The following DCC variants were observed in gnomAD, a reference collection of about 807,000 sequenced individuals.
DCC encodes DCC netrin 1 receptor.
In DCC, 58 loss-of-function variants were observed where a neutral mutation model predicts 172.5. That is an observed-to-expected ratio of 0.34 (90% CI 0.27 to 0.42). The LOEUF (loss-of-function observed/expected upper bound fraction) is 0.42. Ranked by LOEUF, DCC falls within the 10% of genes least tolerant of loss-of-function variation. The pLI is 1.00. For synonymous variants in DCC, 709 were observed against 644.5 expected, an observed-to-expected ratio of 1.10 and a Z score of -1.52; for missense variants, 1,740 against 1,791.0, an observed-to-expected ratio of 0.97 and a Z score of 0.51.
chr18:53,205,811 T>A (rs1386526656), intron 10 of DCC, among the ~76,000 whole-genome samples: 1 of 152,126 alleles, frequency 6.6e-6, no homozygotes, highest in Admixed American at 6.6e-5. Context: ...GTCCTACCAT[T>A]TTTTAATGTT....
intron 2 of DCC, among the ~76,000 whole-genome samples, chr18:52,810,468 T>C (rs375037776): frequency 6.6e-6 from 1 of 152,260 alleles, no homozygotes; most frequent in South Asian, 2.1e-4. Context: ...ACAATAAGGA[T>C]GTGCTGTATA....
intron 1 of DCC, among the ~76,000 whole-genome samples, chr18:52,463,949 G>A (rs1195647347): frequency 3.3e-5 from 5 of 152,142 alleles, no homozygotes; most frequent in African/African-American, 1.2e-4. Flanking sequence ...CTTCAGTATT[G>A]TAGTCTTTAT....
intron 1 of DCC, among the ~76,000 whole-genome samples, chr18:52,596,473 T>C (rs960896769): frequency 3.3e-5 from 5 of 152,144 alleles, no homozygotes; most frequent in African/African-American, 1.2e-4. Context: ...TCAGCATCAC[T>C]AGGAGCTGGC....
chr18:53,263,898 C>A (rs1229793881), intron 12 of DCC, among the ~76,000 whole-genome samples: 2 of 151,794 alleles, frequency 1.3e-5, no homozygotes, highest in Non-Finnish European at 2.9e-5. Context: ...CATCTTGGAA[C>A]CTTTTTATTT....
chr18:52,764,035 C>T (rs373899119), intron 2 of DCC, among the ~76,000 whole-genome samples: 3 of 152,324 alleles, frequency 2.0e-5, no homozygotes, highest in African/African-American at 7.2e-5. Context: ...CTCTTCTGTA[C>T]ATACCTTTGA....
chr18:52,643,705 T>A (rs1345276787), intron 1 of DCC, among the ~76,000 whole-genome samples: 1 of 152,140 alleles, frequency 6.6e-6, no homozygotes, highest in Non-Finnish European at 1.5e-5. Context: ...TGAAACTGGA[T>A]CTAACCATTT....
chr18:52,541,864 T>TGC (rs2032459097), intron 1 of DCC, among the ~76,000 whole-genome samples: 4 of 51,166 alleles, frequency 7.8e-5, no homozygotes, highest in African/African-American at 2.9e-4. Context: ...AAGTATATGA[T>TGC]GTGTGTGTGT....
At chr18:53,181,036 T>TAC (rs1328968109) in intron 9 of DCC, among the ~76,000 whole-genome samples, 3 of 152,172 alleles carry the variant, frequency 2.0e-5, no homozygotes, top group Non-Finnish European at 4.4e-5. Context: ...ATATATATAA[T>TAC]ACACACACAC....
At chr18:52,970,736 C>A (rs9955796) in intron 5 of DCC, among the ~76,000 whole-genome samples, 102,668 of 151,980 alleles carry the variant, frequency 0.68, 34,949 homozygotes, top group Non-Finnish European at 0.72. Context: ...TTTGGTATGC[C>A]ATAGACTAAG....
At chr18:53,023,428 AAG>A in intron 5 of DCC, among the ~76,000 whole-genome samples, 1 of 107,160 alleles carries the variant, frequency 9.3e-6, no homozygotes, top group African/African-American at 3.4e-5. Context: ...AAAAAAAAAA[AAG>A]ATTCTTCTTA....
intron 1 of DCC, among the ~76,000 whole-genome samples, chr18:52,513,722 T>A (rs559370756): frequency 1.9e-4 from 29 of 152,254 alleles, no homozygotes; most frequent in Admixed American, 1.6e-3. Flanking sequence ...CCATACTACA[T>A]GATGGTCAGG....
chr18:52,506,506 A>G (rs2031235973), intron 1 of DCC, among the ~76,000 whole-genome samples: 1 of 152,094 alleles, frequency 6.6e-6, no homozygotes, highest in Non-Finnish European at 1.5e-5. Context: ...TTGTCTTTGT[A>G]GATTCTGGTT....
In DCC at chr18:53,339,959, T is replaced by C. The variant is rs770766140; in HGVS notation, c.2359+52T>C. ...TATTAAGGGGAATTAATGATTTATT[T>C]TGAATTATTGTATTTCTTGGAAAAC... is the stretch of plus-strand genomic sequence containing the variant. On this transcript the variant is annotated intron_variant, in intron 15 of 28. Coordinates refer to ENST00000442544, the MANE Select transcript of DCC (RefSeq NM_005215.4). The C allele has an allele frequency of 2.7e-6, 4 of 1,506,418 alleles. No homozygotes were observed. The East Asian group carries it at 7.0e-5, about 26-fold the overall frequency. 93.3% of individuals were successfully genotyped at this position (1,506,418 alleles called of 1,614,324 possible).
At chr18:52,530,090 C>T (rs1169098194) in intron 1 of DCC, among the ~76,000 whole-genome samples, 7 of 152,158 alleles carry the variant, frequency 4.6e-5, no homozygotes, top group Admixed American at 4.6e-4. Flanking sequence ...GTATATATGA[C>T]ATAATGAAAT....
intron 27 of DCC, among the ~76,000 whole-genome samples, chr18:53,504,867 C>T (rs1050859417): frequency 2.6e-5 from 4 of 152,090 alleles, no homozygotes; most frequent in Admixed American, 1.3e-4. Context: ...TGCCCAAGGT[C>T]AACAATTGAG....
intron 1 of DCC, among the ~76,000 whole-genome samples, chr18:52,383,910 G>A (rs1360781570): frequency 2.0e-5 from 3 of 151,926 alleles, no homozygotes; most frequent in East Asian, 3.9e-4. Context: ...ACTCATTCTT[G>A]TATATGTATG....
chr18:53,093,290 T>C (rs1307843882), intron 7 of DCC, among the ~76,000 whole-genome samples: 2 of 151,988 alleles, frequency 1.3e-5, no homozygotes, highest in East Asian at 3.9e-4. Context: ...AAACTAATAT[T>C]AATATAAAAT....
chr18:53,183,370 C>T (rs1391051877), intron 9 of DCC, among the ~76,000 whole-genome samples: 1 of 152,162 alleles, frequency 6.6e-6, no homozygotes, highest in Non-Finnish European at 1.5e-5. Flanking sequence ...CCATTCTCCC[C>T]TGCCTTTATG....
At chr18:53,499,261 C>T (rs1568170251) in intron 26 of DCC, 37 bp from the exon 27 acceptor site, 1 of 1,606,862 alleles carries the variant, frequency 6.2e-7, no homozygotes, top group South Asian at 1.1e-5. Context: ...AGACTTTGTC[C>T]AGGAATAATG....
Sources: allele counts gnomAD v4.1 joint callset (sites outside exome capture counted in the v4.1 genomes callset), GRCh38; gene constraint gnomAD v4.1.1; transcripts MANE v1.5; gene names NCBI Gene and HGNC (gene_info 2026-07-23, HGNC 2026-07-21).